PRLR: variants seen among roughly 807,000 people sequenced by gnomAD.
PRLR encodes hPRL receptor.
PRLR carries 13 observed loss-of-function variants against 40.2 expected under a neutral mutation model. The observed-to-expected ratio is 0.32, with a 90% CI of 0.21 to 0.51. PRLR has a LOEUF of 0.51. PRLR is among the 20% of genes least tolerant of loss of function. PRLR has a pLI of 0.97. For synonymous variants in PRLR, 269 were observed against 278.7 expected (o/e 0.97, Z 0.35); for missense variants, 656 against 747.3 (o/e 0.88, Z 1.42).
chr5:35,174,780 T>C (rs892526962), intron 1 of PRLR, among the ~76,000 whole-genome samples: 21 of 152,142 alleles, frequency 1.4e-4, no homozygotes, highest in African/African-American at 4.8e-4. Context: ...TCAGGATGAA[T>C]TTCTTGTCTC....
At chr5:35,185,417 A>C (rs1775399826) in intron 1 of PRLR, among the ~76,000 whole-genome samples, 1 of 151,864 alleles carries the variant, frequency 6.6e-6, no homozygotes, top group African/African-American at 2.4e-5. Context: ...TCAAATAGGA[A>C]AGGTAAGTTT....
chr5:35,226,859 G>A (rs577737027), intron 1 of PRLR, among the ~76,000 whole-genome samples: 145 of 152,204 alleles, frequency 9.5e-4, no homozygotes, highest in Non-Finnish European at 1.9e-3. Context: ...CAAGGGCTGG[G>A]ATCCTGTGTG....
chr5:35,210,791 C>T (rs1034237337), intron 1 of PRLR, among the ~76,000 whole-genome samples: 4 of 152,186 alleles, frequency 2.6e-5, no homozygotes, highest in African/African-American at 9.6e-5. Context: ...CTCACTGCAG[C>T]CTTGACCTTA....
chr5:35,143,523 T>C (rs564097143), intron 1 of PRLR, among the ~76,000 whole-genome samples: 1 of 152,358 alleles, frequency 6.6e-6, no homozygotes, highest in Admixed American at 6.5e-5. Flanking sequence ...ACCTCGTTTG[T>C]TTTCTTCATG....
chr5:35,072,791 T>G, intron 5 of PRLR, 47 bp from the exon 6 acceptor site: 1 of 1,589,362 alleles, frequency 6.3e-7, no homozygotes. Context: ...CTTGCACCTT[T>G]TCTTTGGCTT....
chr5:35,167,917 T>A (rs1774890297), intron 1 of PRLR, among the ~76,000 whole-genome samples: 1 of 151,976 alleles, frequency 6.6e-6, no homozygotes, highest in Non-Finnish European at 1.5e-5. Context: ...AAAGAAATAC[T>A]AAGATGGTAG....
chr5:35,155,284 C>T (rs930325206), intron 1 of PRLR, among the ~76,000 whole-genome samples: 2 of 152,188 alleles, frequency 1.3e-5, no homozygotes, highest in African/African-American at 4.8e-5. Flanking sequence ...TCTACACTCT[C>T]TTGTCTGATT....
At chr5:35,212,123 A>G (rs4703513) in intron 1 of PRLR, among the ~76,000 whole-genome samples, 4,425 of 152,354 alleles carry the variant, frequency 0.029, 85 homozygotes, top group Middle Eastern at 0.071. Flanking sequence ...CACATTAAGT[A>G]GATGAATATA....
chr5:35,226,567 T>C (rs1776558356), intron 1 of PRLR, among the ~76,000 whole-genome samples: 1 of 152,226 alleles, frequency 6.6e-6, no homozygotes, highest in Non-Finnish European at 1.5e-5. Flanking sequence ...CTTCATTTAC[T>C]CCAATTTAAG....
chr5:35,165,606 C>T (rs1386040586), intron 1 of PRLR, among the ~76,000 whole-genome samples: 1 of 152,122 alleles, frequency 6.6e-6, no homozygotes, highest in African/African-American at 2.4e-5. Flanking sequence ...CAAATAATGC[C>T]TGGGTAACCA....
At chr5:35,123,936 A>T (rs778330736) in intron 1 of PRLR, among the ~76,000 whole-genome samples, 4 of 152,144 alleles carry the variant, frequency 2.6e-5, no homozygotes, top group Non-Finnish European at 5.9e-5. Flanking sequence ...TCCATGTAGG[A>T]ATTTGTGTTT....
At chr5:35,205,093 T>C (rs1775980513) in intron 1 of PRLR, among the ~76,000 whole-genome samples, 1 of 152,110 alleles carries the variant, frequency 6.6e-6, no homozygotes, top group Admixed American at 6.5e-5. Context: ...TATTTATTCA[T>C]ACTAACTTGG....
rs375603197 is a variant in PRLR at position 35,103,380 on chromosome 5, T to A, written c.-43-13717A>T. Among the ~76,000 whole-genome samples, 6 of 152,356 alleles carry A rather than the reference T, an allele frequency of 3.9e-5. 1 individual carries two copies. The highest frequency in any genetic ancestry group is 2.4e-5 in the African/African-American group (1 of 41,584). On this transcript the variant is annotated intron_variant, in intron 2 of 9. Coordinates refer to ENST00000618457, the MANE Select transcript of PRLR (RefSeq NM_000949.7). ...GTACAGCTAACTCCCCGTTGGTTGCTAGGCTTCCTGGGCCAATGGAAGTAG... is the reference window on the plus strand; with the variant it reads ...GTACAGCTAACTCCCCGTTGGTTGCAAGGCTTCCTGGGCCAATGGAAGTAG...
At chr5:35,090,698 A>C (rs1256161766) in intron 2 of PRLR, among the ~76,000 whole-genome samples, 1 of 148,886 alleles carries the variant, frequency 6.7e-6, no homozygotes, top group African/African-American at 2.4e-5. Flanking sequence ...CTGAAAGACC[A>C]GCTTTTGCTA....
intron 1 of PRLR, among the ~76,000 whole-genome samples, chr5:35,167,367 T>C (rs961259548): frequency 6.6e-6 from 1 of 152,070 alleles, no homozygotes; most frequent in Non-Finnish European, 1.5e-5. Flanking sequence ...TGAGACAGTG[T>C]CACTGGGCTA....
chr5:35,144,420 A>G (rs1354647150), intron 1 of PRLR, among the ~76,000 whole-genome samples: 1 of 152,076 alleles, frequency 6.6e-6, no homozygotes, highest in Non-Finnish European at 1.5e-5. Context: ...GGAATGTAAA[A>G]TCAAATTTTT....
At chr5:35,087,705 G>A (rs1770945906) in intron 3 of PRLR, among the ~76,000 whole-genome samples, 2 of 152,068 alleles carry the variant, frequency 1.3e-5, no homozygotes, top group Admixed American at 1.3e-4. Context: ...ATAACACCAA[G>A]AGTGTAAAAT....
intron 4 of PRLR, 114 bp from the exon 5 acceptor site, chr5:35,084,753 C>T: frequency 1.0e-6 from 1 of 971,072 alleles, no homozygotes; most frequent in South Asian, 1.7e-5. Context: ...AAGCGCAAAA[C>T]CCAGAGCTGA....
Position 35,094,236 on chromosome 5 carries a change from T to C in PRLR, c.-43-4573A>G, listed in dbSNP as rs997651606. 2.0e-5 allele frequency among the ~76,000 whole-genome samples: 3 copies of C among 152,212 alleles called. No individual in the cohort carries two copies. The East Asian group carries it at 5.8e-4, about 29-fold the overall frequency. On this transcript the variant is annotated intron_variant, in intron 2 of 9. Transcript: ENST00000618457. ...CCCACTTCTAACAGTACAGATTAATTTTACCTACCTTTGAACTTTATATAA... is the reference window on the plus strand; with the variant it reads ...CCCACTTCTAACAGTACAGATTAATCTTACCTACCTTTGAACTTTATATAA...
Sources: gnomAD v4.1 joint callset for allele counts (sites outside exome capture counted in the v4.1 genomes callset) on GRCh38, gnomAD v4.1.1 for gene constraint, MANE v1.5 for transcripts, NCBI Gene and HGNC (gene_info 2026-07-23, HGNC 2026-07-21) for gene names.